SPECC1: variants seen among roughly 807,000 people sequenced by gnomAD.
The protein encoded by SPECC1 is cytospin-B.
Under a neutral mutation model 104.1 loss-of-function variants are expected in SPECC1, and 62 were observed. That is an observed-to-expected ratio of 0.60 (90% CI 0.49 to 0.74). The LOEUF is 0.74. SPECC1 is among the 30% of genes least tolerant of loss of function. The pLI is 0.00. For missense variants in SPECC1, 1,306 were observed against 1,310.5 expected (o/e 1.00, Z 0.05); for synonymous variants, 513 against 501.6 (o/e 1.02, Z -0.30).
intron 3 of SPECC1, among the ~76,000 whole-genome samples, chr17:20,113,142 G>C (rs1409529358): frequency 6.6e-6 from 1 of 151,926 alleles, no homozygotes; most frequent in African/African-American, 2.4e-5. Flanking sequence ...TGGTGCATAA[G>C]GGAAAAAATT....
chr17:20,159,014 G>A (rs949111282), intron 3 of SPECC1, among the ~76,000 whole-genome samples: 6 of 151,640 alleles, frequency 4.0e-5, no homozygotes, highest in African/African-American at 1.5e-4. Flanking sequence ...CTAGAGTGCA[G>A]TGGTGTGATC....
intron 1 of SPECC1, among the ~76,000 whole-genome samples, chr17:20,076,639 G>A (rs568225938): frequency 2.0e-5 from 3 of 152,126 alleles, no homozygotes; most frequent in Non-Finnish European, 4.4e-5. Flanking sequence ...ATTAGTAACC[G>A]TCTTTGTCCA....
rs1311206751 is a variant in SPECC1 at position 20,227,495 on chromosome 17, A to G, written c.1946A>G (p.Glu649Gly). The G allele has an allele frequency of 3.7e-6, 6 of 1,613,758 alleles. No individual in the cohort carries two copies. The highest frequency in any genetic ancestry group is 1.7e-5 in the Admixed American group (1 of 59,840). The change falls in exon 5 of 15, where the codon GAA becomes GGA. Residue 649 changes from glutamate (E) to glycine (G), a missense_variant. Around this residue, in one of 2 missense-constraint regions of SPECC1, gnomAD observed 1,177 missense variants for 1,139.9 expected, o/e 1.03. Coordinates refer to ENST00000395527, the MANE Select transcript of SPECC1 (RefSeq NM_001243439.2). ...AGCAGAACCAGCCTAAAGCTGCAAGAAAAAGCATCAGAGAGTGATGCAGAG... is the reference window on the plus strand; with the variant it reads ...AGCAGAACCAGCCTAAAGCTGCAAGGAAAAGCATCAGAGAGTGATGCAGAG... ...QLSRTSLKLQ[E>G]KASESDAEIK...
chr17:20,233,953 T>G (rs1359270552), intron 7 of SPECC1, among the ~76,000 whole-genome samples: 3 of 152,212 alleles, frequency 2.0e-5, no homozygotes, highest in Non-Finnish European at 4.4e-5. Context: ...ATGGTGGCCC[T>G]GAATAGGTTC....
chr17:20,309,902 C>T (rs183307244), intron 14 of SPECC1, among the ~76,000 whole-genome samples: 2 of 150,152 alleles, frequency 1.3e-5, no homozygotes, highest in East Asian at 3.9e-4. Context: ...ACTGCAACCT[C>T]CGACTTCCGG....
intron 12 of SPECC1, among the ~76,000 whole-genome samples, chr17:20,267,828 G>A (rs1423927835): frequency 6.6e-6 from 1 of 152,142 alleles, no homozygotes; most frequent in Non-Finnish European, 1.5e-5. Flanking sequence ...CTCCTCCTCT[G>A]TCCTGATGCC....
intron 3 of SPECC1, among the ~76,000 whole-genome samples, chr17:20,122,060 G>A (rs1261553695): frequency 6.6e-6 from 1 of 152,162 alleles, no homozygotes; most frequent in Non-Finnish European, 1.5e-5. Context: ...GTGAACAGCT[G>A]GAGTGGTGGA....
rs150359108 is a variant in SPECC1, at chr17:20,227,472, C to G, written c.1923C>G (p.Ser641Arg). Residue 641 changes from serine (S) to arginine (R), a missense_variant, in exon 5 of 15, where the codon AGC (serine) becomes AGG (arginine). Around this residue, in one of 2 missense-constraint regions of SPECC1, gnomAD observed 1,177 missense variants for 1,139.9 expected, o/e 1.03. Coordinates refer to ENST00000395527, the MANE Select transcript of SPECC1 (RefSeq NM_001243439.2). ...GTGATCACCAAGCCGAACAGCTGAG[C>G]AGAACCAGCCTAAAGCTGCAAGAAA... ...EICDHQAEQLSRTSLKLQEKA... is the reference protein window; with the variant it reads ...EICDHQAEQLRRTSLKLQEKA... 1 of 1,613,646 alleles carries G rather than the reference C, an allele frequency of 6.2e-7. No individual in the cohort carries two copies. The highest frequency in any genetic ancestry group is 1.7e-5 in the Admixed American group (1 of 59,870).
intron 7 of SPECC1, chr17:20,237,639 T>C: frequency 5.1e-6 from 1 of 196,166 alleles, no homozygotes; most frequent in East Asian, 8.0e-5. Context: ...TACTTTTTGG[T>C]GTTCATTTCT....
In SPECC1 at chr17:20,204,674, G is replaced by T; in HGVS notation, c.625G>T (p.Gly209Cys). 4 of 1,613,808 alleles carry T rather than the reference G, an allele frequency of 2.5e-6. No homozygotes were observed. Among genetic ancestry groups the T allele is most frequent in the Non-Finnish European group, 3.4e-6 (4 of 1,179,972 alleles). The change falls in exon 4 of 15, where the codon GGC becomes TGC. Residue 209 changes from glycine (G) to cysteine (C), a missense_variant. Physicochemically the swap from Gly to Cys is radical, Grantham distance 159. Coordinates refer to ENST00000395527, the MANE Select transcript of SPECC1 (RefSeq NM_001243439.2). ...GAACGCTGAGGGGACTGATGCTTTG[G>T]GCCCAAATGTCGATGGAACATCAGT... ...TLNAEGTDAL[G>C]PNVDGTSVSP...
At position 20,260,236 on chromosome 17, in the gene SPECC1, G is replaced by A; in HGVS notation, c.2882G>A (p.Gly961Asp). The change falls in exon 12 of 15, where the codon GGT becomes GAT. Residue 961 changes from glycine (G) to aspartate (D), a missense_variant. By Grantham distance (94) the Gly-to-Asp change is moderately conservative (BLOSUM62 -1). Transcript: ENST00000395527. ...DPLAALAREY[G>D]GSKRNALLKW... ...CTGGCAGCCTTGGCCCGGGAATACG[G>A]TGGTTCCAAGCGCAATGCTCTACTG... is the stretch of plus-strand genomic sequence containing the variant. The A allele has an allele frequency of 1.2e-6, 2 of 1,614,064 alleles. No homozygotes were observed. The highest frequency in any genetic ancestry group is 1.7e-6 in the Non-Finnish European group (2 of 1,179,946).
chr17:20,261,066 G>A (rs973054569), intron 12 of SPECC1, among the ~76,000 whole-genome samples: 6 of 152,244 alleles, frequency 3.9e-5, no homozygotes, highest in African/African-American at 7.2e-5. Flanking sequence ...ATGAGAGTGC[G>A]GAAAAACAGT....
At chr17:20,166,137 G>A (rs2033629960) in intron 3 of SPECC1, among the ~76,000 whole-genome samples, 1 of 152,156 alleles carries the variant, frequency 6.6e-6, no homozygotes, top group South Asian at 2.1e-4. Flanking sequence ...AATGAGATAG[G>A]ACCTTTTATA....
chr17:20,062,694 T>A (rs545797050), intron 1 of SPECC1, among the ~76,000 whole-genome samples: 1 of 124,544 alleles, frequency 8.0e-6, no homozygotes, highest in Non-Finnish European at 1.7e-5. Context: ...AGAAATACAT[T>A]TTTTTTTTTT....
chr17:20,239,878 G>GTT (rs60216339), intron 7 of SPECC1, among the ~76,000 whole-genome samples: 40 of 36,942 alleles, frequency 1.1e-3, no homozygotes, highest in African/African-American at 3.8e-3. Flanking sequence ...ATTTCGCTGA[G>GTT]TTTTTTTTTT....
In SPECC1 at chr17:20,043,010, G is replaced by A. The variant is rs187496417; in HGVS notation, c.-22+33586G>A. Among the ~76,000 whole-genome samples, 322 of 152,274 alleles carry A rather than the reference G, an allele frequency of 2.1e-3. 2 individuals are homozygous for A. Among genetic ancestry groups the A allele is most frequent in the African/African-American group, 7.0e-3 (290 of 41,554 alleles). On this transcript the variant is annotated intron_variant, in intron 1 of 14. Coordinates refer to ENST00000395527, the MANE Select transcript of SPECC1 (RefSeq NM_001243439.2). ...AGCTCAAGTCCACAACTTGCTTTTC[G>A]TTTGTTTTTAAATAATTAGTTTTGT...
intron 1 of SPECC1, among the ~76,000 whole-genome samples, chr17:20,024,470 T>C (rs1042364674): frequency 2.6e-5 from 4 of 152,234 alleles, no homozygotes; most frequent in African/African-American, 9.6e-5. Context: ...GATTAGGCAC[T>C]GGAGATACAA....
chr17:20,079,948 G>C (rs958765419), intron 1 of SPECC1, among the ~76,000 whole-genome samples: 10 of 152,040 alleles, frequency 6.6e-5, no homozygotes, highest in African/African-American at 2.4e-4. Context: ...CCCTTTCTCC[G>C]CACCCCTACC....
At chr17:20,061,327 C>T (rs1326535144) in intron 1 of SPECC1, among the ~76,000 whole-genome samples, 3 of 152,206 alleles carry the variant, frequency 2.0e-5, no homozygotes, top group African/African-American at 4.8e-5. Flanking sequence ...TCACCTCGGC[C>T]TCCCAAAGTG....
Sources: gnomAD v4.1 joint callset for allele counts (sites outside exome capture counted in the v4.1 genomes callset) on GRCh38, gnomAD v4.1.1 for gene constraint, gnomAD v4.1.1 regional missense constraint, MANE v1.5 for transcripts, NCBI Gene and HGNC (gene_info 2026-07-23, HGNC 2026-07-21) for gene names.